ADAM29: variants seen among roughly 807,000 people sequenced by gnomAD.
ADAM29 encodes the protein ADAM metallopeptidase domain 29.
For synonymous variants in ADAM29, 367 were observed against 342.3 expected (o/e 1.07, Z -0.80); for missense variants, 969 against 1,001.8 (o/e 0.97, Z 0.44).
intron 2 of ADAM29, among the ~76,000 whole-genome samples, chr4:174,929,256 C>T (rs1188627593): frequency 6.6e-6 from 1 of 152,170 alleles, no homozygotes; most frequent in African/African-American, 2.4e-5. Context: ...TGATAAGGCA[C>T]ATTTTGTACC....
chr4:174,923,525 GTATAT>G (rs1560857080), intron 2 of ADAM29, among the ~76,000 whole-genome samples: 10,671 of 96,686 alleles, frequency 0.11, 629 homozygotes, highest in East Asian at 0.44. Flanking sequence ...TGCATTATAT[GTATAT>G]ATATATATAT....
chr4:174,964,986 G>A (rs1415073058), intron 4 of ADAM29, among the ~76,000 whole-genome samples: 1 of 152,094 alleles, frequency 6.6e-6, no homozygotes, highest in Non-Finnish European at 1.5e-5. Context: ...CTGGATTCTA[G>A]AGCCAGCTCC....
chr4:174,922,949 A>T (rs908975286), intron 2 of ADAM29, among the ~76,000 whole-genome samples: 1 of 152,166 alleles, frequency 6.6e-6, no homozygotes, highest in African/African-American at 2.4e-5. Context: ...ACATCAACCC[A>T]AAAGAAAAAA....
At chr4:174,949,625 T>C (rs1745057939) in intron 4 of ADAM29, among the ~76,000 whole-genome samples, 1 of 151,770 alleles carries the variant, frequency 6.6e-6, no homozygotes, top group South Asian at 2.1e-4. Context: ...CCACTCTCAA[T>C]TCCTTCCCTC....
At chr4:174,963,604 G>A (rs1177203434) in intron 4 of ADAM29, among the ~76,000 whole-genome samples, 2 of 151,784 alleles carry the variant, frequency 1.3e-5, no homozygotes, top group African/African-American at 2.4e-5. Flanking sequence ...TATATTTTAA[G>A]TTTTATTAAA....
intron 2 of ADAM29, among the ~76,000 whole-genome samples, chr4:174,922,946 C>T (rs980531562): frequency 6.6e-6 from 1 of 151,912 alleles, no homozygotes; most frequent in African/African-American, 2.4e-5. Flanking sequence ...TACACATCAA[C>T]CCAAAAGAAA....
At chr4:174,932,777 G>A (rs1008292400) in intron 3 of ADAM29, among the ~76,000 whole-genome samples, 1 of 152,108 alleles carries the variant, frequency 6.6e-6, no homozygotes, top group Non-Finnish European at 1.5e-5. Context: ...GGAAACCAAA[G>A]GGCTAGACAC....
chr4:174,919,725 C>T (rs1343491427), intron 1 of ADAM29, among the ~76,000 whole-genome samples: 1 of 152,170 alleles, frequency 6.6e-6, no homozygotes. Context: ...TAAGTCAGTG[C>T]CCATCCAGAA....
intron 2 of ADAM29, among the ~76,000 whole-genome samples, chr4:174,927,722 A>G (rs1743599799): frequency 6.6e-6 from 1 of 152,120 alleles, no homozygotes; most frequent in Admixed American, 6.5e-5. Flanking sequence ...TAGTCTACAC[A>G]CCACCTGTTA....
intron 4 of ADAM29, among the ~76,000 whole-genome samples, chr4:174,938,543 C>A (rs1041743601): frequency 6.6e-6 from 1 of 152,124 alleles, no homozygotes; most frequent in African/African-American, 2.4e-5. Flanking sequence ...AATATTCAGA[C>A]TTTGCTCAGG....
At chr4:174,973,515 G>A (rs563012928) in intron 4 of ADAM29, among the ~76,000 whole-genome samples, 1 of 152,252 alleles carries the variant, frequency 6.6e-6, no homozygotes, top group South Asian at 2.1e-4. Context: ...GGAGTAGGAC[G>A]GTGCAGAACT....
At chr4:174,964,495 C>T (rs1746039790) in intron 4 of ADAM29, among the ~76,000 whole-genome samples, 1 of 151,896 alleles carries the variant, frequency 6.6e-6, no homozygotes. Flanking sequence ...GCAGAGAATG[C>T]AGAAGTGTAA....
rs750561912 is a variant in ADAM29 at position 174,977,558 on chromosome 4, A to C, written c.2033A>C (p.Tyr678Ser). ...PKRKKKKKFC[Y>S]LCILLLIVLF... is the part of the protein sequence containing the mutation. ...AGAAAGAAGAAAAAGAAGTTCTGTT[A>C]TCTGTGTATATTGTTGCTTATTGTT... The change falls in exon 5 of 5, where the codon TAT (tyrosine) becomes TCT (serine). Residue 678 changes from tyrosine to serine, a missense_variant. Transcript: ENST00000359240. 6.2e-7 allele frequency: 1 copy of C among 1,614,104 alleles called. No homozygotes were observed. Among genetic ancestry groups the C allele is most frequent in the Non-Finnish European group, 8.5e-7 (1 of 1,179,988 alleles).
chr4:174,948,800 T>A (rs973537628), intron 4 of ADAM29, among the ~76,000 whole-genome samples: 1 of 152,146 alleles, frequency 6.6e-6, no homozygotes. Context: ...TGTTGGCACC[T>A]GTGCACAAGT....
intron 4 of ADAM29, among the ~76,000 whole-genome samples, chr4:174,953,700 C>T (rs1358849339): frequency 2.6e-5 from 4 of 151,958 alleles, no homozygotes; most frequent in African/African-American, 9.7e-5. Context: ...CATTATGACC[C>T]ATGCTTTTTT....
intron 4 of ADAM29, among the ~76,000 whole-genome samples, chr4:174,938,252 T>A (rs1408592656): frequency 6.6e-6 from 1 of 151,970 alleles, no homozygotes; most frequent in Admixed American, 6.6e-5. Flanking sequence ...GTCTACTAGG[T>A]AGCATGAATT....
intron 3 of ADAM29, among the ~76,000 whole-genome samples, chr4:174,933,286 A>G (rs1429698358): frequency 6.6e-6 from 1 of 152,172 alleles, no homozygotes; most frequent in Non-Finnish European, 1.5e-5. Context: ...TTAGAAAAGA[A>G]AATTCTAGAG....
At chr4:174,951,802 T>C (rs965976128) in intron 4 of ADAM29, among the ~76,000 whole-genome samples, 3 of 152,164 alleles carry the variant, frequency 2.0e-5, no homozygotes, top group East Asian at 1.9e-4. Flanking sequence ...GCCTTTTCCC[T>C]GCTTATAGAA....
rs746940044 is a variant in ADAM29 at position 174,943,009 on chromosome 4, C to T, written c.-181+5996C>T. Among the ~76,000 whole-genome samples the T allele has an allele frequency of 2.1e-4, 32 of 152,164 alleles. 1 individual carries two copies. Among genetic ancestry groups the T allele is most frequent in the Non-Finnish European group, 4.4e-5 (3 of 68,036 alleles). On this transcript the variant is annotated intron_variant, in intron 4 of 4. Coordinates refer to ENST00000359240, the MANE Select transcript of ADAM29 (RefSeq NM_014269.4). ...GTCAGATACTTTAAATCATCTCTCT[C>T]AAGTTCAAAGTTCCACAGATCTCTA... is the stretch of plus-strand genomic sequence containing the variant.
Sources: gnomAD v4.1 joint callset for allele counts (sites outside exome capture counted in the v4.1 genomes callset) on GRCh38, gnomAD v4.1.1 for gene constraint, MANE v1.5 for transcripts, NCBI Gene and HGNC (gene_info 2026-07-23, HGNC 2026-07-21) for gene names.